Variants in TMEM178B observed in about 807,000 individuals in gnomAD.
The protein encoded by TMEM178B is transmembrane protein 178B.
Under a neutral mutation model 31.0 loss-of-function variants are expected in TMEM178B, and 5 were observed. The ratio of observed to expected loss-of-function variants is 0.16; its 90% CI spans 0.08 to 0.34. The LOEUF is 0.34. TMEM178B is among the 10% of genes least tolerant of loss of function. The pLI, the probability that TMEM178B is intolerant of heterozygous loss-of-function variation, is 1.00. For synonymous variants in TMEM178B, 164 were observed against 164.0 expected (o/e 1.00, Z 0.00); for missense variants, 275 against 400.3 (o/e 0.69, Z 2.67).
chr7:141,215,792 TTCTTTCTTTCTTTCTTTC>T, intron 2 of TMEM178B, among the ~76,000 whole-genome samples: 1 of 78,876 alleles, frequency 1.3e-5, no homozygotes, highest in Non-Finnish European at 2.5e-5. Context: ...CTTTCTTTCT[TTCTTTCTTTCTTTCTTTC>T]TTTCTTTCTT....
intron 3 of TMEM178B, among the ~76,000 whole-genome samples, chr7:141,457,721 C>T (rs906631003): frequency 3.0e-4 from 46 of 152,158 alleles, no homozygotes; most frequent in African/African-American, 1.1e-3. Context: ...CAAAAGGTCC[C>T]CAACTTGGAT....
intron 1 of TMEM178B, among the ~76,000 whole-genome samples, chr7:141,119,409 C>T (rs906091732): frequency 6.6e-6 from 1 of 152,026 alleles, no homozygotes; most frequent in Non-Finnish European, 1.5e-5. Context: ...CCTGAGGAGC[C>T]CTCAGGATGG....
At chr7:141,487,179 T>C in the TMEM178B span, among the ~76,000 whole-genome samples, 721 of 152,298 alleles carry the variant, frequency 4.7e-3, 3 homozygotes, top group Non-Finnish European at 8.5e-3. Flanking sequence ...GAGCCATTTT[T>C]TACCCTTTTC....
intron 2 of TMEM178B, among the ~76,000 whole-genome samples, chr7:141,214,904 T>G (rs1797106502): frequency 1.3e-5 from 2 of 152,124 alleles, no homozygotes; most frequent in South Asian, 4.2e-4. Context: ...TGAGGCCACC[T>G]TTTGGTGAGG....
At chr7:141,117,162 C>T (rs183006997) in intron 1 of TMEM178B, among the ~76,000 whole-genome samples, 1 of 152,230 alleles carries the variant, frequency 6.6e-6, no homozygotes, top group Admixed American at 6.5e-5. Flanking sequence ...TTCTCCACAT[C>T]CTCTCCAGCA....
At chr7:141,401,282 C>T (rs1245892013) in intron 2 of TMEM178B, among the ~76,000 whole-genome samples, 1 of 152,138 alleles carries the variant, frequency 6.6e-6, no homozygotes, top group Admixed American at 6.5e-5. Context: ...AGAGTTTATT[C>T]CTTCCATAGG....
intron 2 of TMEM178B, among the ~76,000 whole-genome samples, chr7:141,358,895 A>G (rs1450712211): frequency 6.6e-6 from 1 of 152,226 alleles, no homozygotes. Context: ...ATTAGTTACT[A>G]AAAGTCATTC....
At chr7:141,289,353 G>A (rs187673536) in intron 2 of TMEM178B, among the ~76,000 whole-genome samples, 4 of 152,206 alleles carry the variant, frequency 2.6e-5, no homozygotes, top group East Asian at 1.9e-4. Flanking sequence ...TGCTCAGTTC[G>A]GTGCCTGGCA....
At chr7:141,442,517 C>T (rs188002161) in intron 3 of TMEM178B, among the ~76,000 whole-genome samples, 232 of 152,306 alleles carry the variant, frequency 1.5e-3, no homozygotes, top group Non-Finnish European at 1.9e-3. Flanking sequence ...GCTCATGCTG[C>T]CTCTCACCTC....
At chr7:141,185,065 T>G (rs1237986332) in intron 1 of TMEM178B, among the ~76,000 whole-genome samples, 2 of 152,178 alleles carry the variant, frequency 1.3e-5, no homozygotes, top group South Asian at 2.1e-4. Context: ...GGCTCACTTC[T>G]TCAGTGCCCT....
At chr7:141,313,750 G>A (rs370491547) in intron 2 of TMEM178B, among the ~76,000 whole-genome samples, 9 of 139,004 alleles carry the variant, frequency 6.5e-5, no homozygotes, top group African/African-American at 1.7e-4. Flanking sequence ...GTGGCTTCCC[G>A]TGGGCAAACT....
chr7:141,442,422 T>G (rs1801677962), intron 3 of TMEM178B, among the ~76,000 whole-genome samples: 1 of 152,204 alleles, frequency 6.6e-6, no homozygotes. Flanking sequence ...GATATGTCAG[T>G]CATCCACTGT....
chr7:141,336,368 C>T (rs1009023044), intron 2 of TMEM178B, among the ~76,000 whole-genome samples: 5 of 152,112 alleles, frequency 3.3e-5, no homozygotes, highest in Non-Finnish European at 5.9e-5. Flanking sequence ...TAGGACCAGG[C>T]GTGGGAAATG....
At chr7:141,241,672 C>T (rs1797624994) in intron 2 of TMEM178B, among the ~76,000 whole-genome samples, 4 of 151,310 alleles carry the variant, frequency 2.6e-5, no homozygotes, top group Non-Finnish European at 1.5e-5. Context: ...CACGTGGTGG[C>T]GTTGGTTTCT....
intron 2 of TMEM178B, among the ~76,000 whole-genome samples, chr7:141,284,200 G>A (rs1221892743): frequency 6.6e-6 from 1 of 152,188 alleles, no homozygotes; most frequent in African/African-American, 2.4e-5. Flanking sequence ...CATGCCACGC[G>A]ATTCGGGAGT....
intron 2 of TMEM178B, among the ~76,000 whole-genome samples, chr7:141,436,929 G>A (rs1801555640): frequency 6.6e-6 from 1 of 152,190 alleles, no homozygotes; most frequent in African/African-American, 2.4e-5. Flanking sequence ...GTGCAAGAAA[G>A]GGGTCTGCTC....
intron 2 of TMEM178B, among the ~76,000 whole-genome samples, chr7:141,307,344 G>T (rs1798832048): frequency 1.3e-5 from 2 of 152,196 alleles, no homozygotes; most frequent in African/African-American, 4.8e-5. Flanking sequence ...TTCCATACGG[G>T]TATATTTTAG....
In TMEM178B at chr7:141,444,563, G is replaced by A. The variant is rs146569850; in HGVS notation, c.634+6818G>A. ...ATCTCAAATTCTTTTTGGAGATAGA[G>A]TATGAATTACACTTGAATTCATGAA... On this transcript the variant is annotated intron_variant, in intron 3 of 3. Coordinates refer to ENST00000565468, the MANE Select transcript of TMEM178B (RefSeq NM_001195278.2). Among the ~76,000 whole-genome samples, 488 of 152,278 alleles carry A rather than the reference G, an allele frequency of 3.2e-3. 2 individuals are homozygous for A. Among genetic ancestry groups the A allele is most frequent in the African/African-American group, 0.011 (465 of 41,554 alleles).
At chr7:141,101,491 G>A (rs1227485337) in intron 1 of TMEM178B, among the ~76,000 whole-genome samples, 1 of 152,192 alleles carries the variant, frequency 6.6e-6, no homozygotes, top group Non-Finnish European at 1.5e-5. Flanking sequence ...AGGTTAAGAC[G>A]CCCTTGTGGA....
Sources: gnomAD v4.1 joint callset for allele counts (sites outside exome capture counted in the v4.1 genomes callset) on GRCh38, gnomAD v4.1.1 for gene constraint, MANE v1.5 for transcripts, NCBI Gene and HGNC (gene_info 2026-07-23, HGNC 2026-07-21) for gene names.